The following FRMPD4 variants were observed in gnomAD, a reference collection of about 807,000 sequenced individuals.
The protein encoded by FRMPD4 is FERM and PDZ domain-containing protein 4.
A neutral mutation model predicts 94.1 loss-of-function variants in FRMPD4; 22 were observed. That is an observed-to-expected ratio of 0.23 (90% CI 0.17 to 0.33). FRMPD4 has a LOEUF of 0.33. Among genes scored for constraint, FRMPD4 ranks in the 10% least tolerant of loss-of-function variants. The pLI is 1.00. For missense variants in FRMPD4, 1,111 were observed against 1,339.9 expected (o/e 0.83, Z 2.67); for synonymous variants, 631 against 548.6 (o/e 1.15, Z -2.10).
At chrX:12,689,107 C>T (rs1383629756) in intron 7 of FRMPD4, among the ~76,000 whole-genome samples, 2 of 111,428 alleles carry the variant, frequency 1.8e-5, no homozygotes, top group Admixed American at 1.9e-4. Flanking sequence ...AAATGTTGCA[C>T]TGGGGCAAAA....
intron 1 of FRMPD4, among the ~76,000 whole-genome samples, chrX:12,241,705 G>A (rs148459066): frequency 0.012 from 1,320 of 111,508 alleles, 25 homozygotes; most frequent in African/African-American, 0.04. Flanking sequence ...TTTGAGACCA[G>A]CCTGGGCAAC....
At chrX:12,064,834 A>G (rs753786473) in intron 3 of FRMPD4, among the ~76,000 whole-genome samples, 1 of 112,349 alleles carries the variant, frequency 8.9e-6, no homozygotes, top group East Asian at 2.8e-4. Flanking sequence ...TGTTCATTTC[A>G]GTGGATTAAT....
Position 12,151,979 on chromosome X carries a change from G to T in FRMPD4, c.41+12967G>T, listed in dbSNP as rs190946302. ...AGGTAATCTGAGATGCCATTAAAAT[G>T]ATATTCAAATTTTATGCTAAAATTG... is the stretch of plus-strand genomic sequence containing the variant. On this transcript the variant is annotated intron_variant, in intron 1 of 16. Transcript: ENST00000675598. Among the ~76,000 whole-genome samples, 16 of 111,513 alleles carry T rather than the reference G, an allele frequency of 1.4e-4. No individual in the cohort carries two copies. In the East Asian group the frequency reaches 4.2e-3, roughly 29 times the overall value.
intron 1 of FRMPD4, among the ~76,000 whole-genome samples, chrX:11,857,702 A>G (rs1004946031): frequency 2.7e-5 from 3 of 112,935 alleles, no homozygotes; most frequent in Non-Finnish European, 5.6e-5. Context: ...CAAAAGCAAA[A>G]ATTGACCAAT....
At chrX:12,402,159 C>G (rs1193162656) in intron 1 of FRMPD4, among the ~76,000 whole-genome samples, 1 of 111,426 alleles carries the variant, frequency 9.0e-6, no homozygotes. Context: ...GTACAGCTAG[C>G]AGCTTTGGCA....
At chrX:12,604,650 A>G (rs1211857127) in intron 2 of FRMPD4, among the ~76,000 whole-genome samples, 6 of 112,509 alleles carry the variant, frequency 5.3e-5, no homozygotes, top group African/African-American at 1.9e-4. Context: ...AGAAAATAAC[A>G]ATCAATACTT....
In FRMPD4 at chrX:12,718,486, A is replaced by G; in HGVS notation, c.3660A>G (p.Ala1220=). ...GCTCCCAAGGCTCTTCAGTGGATGC[A>G]GGCTGTGGCACAGGCAGCAGTGGCA... is the stretch of plus-strand genomic sequence containing the variant. ...LQSSQGSSVD[A]GCGTGSSGSA... is the part of the protein sequence containing the mutation. Residue 1220 remains alanine (A), a synonymous_variant, in exon 16 of 17, where the codon GCA becomes GCG. Transcript: ENST00000675598. 1 of 1,205,968 alleles carries G rather than the reference A, an allele frequency of 8.3e-7. No homozygotes were observed. Among genetic ancestry groups the G allele is most frequent in the Non-Finnish European group, 1.1e-6 (1 of 890,165 alleles).
intron 1 of FRMPD4, among the ~76,000 whole-genome samples, chrX:12,233,201 G>A (rs1309017973): frequency 9.0e-6 from 1 of 111,303 alleles, no homozygotes. Flanking sequence ...TCAAATATGA[G>A]GTACCTTACC....
intron 2 of FRMPD4, among the ~76,000 whole-genome samples, chrX:12,560,498 A>C (rs1255523106): frequency 9.3e-5 from 9 of 96,307 alleles, no homozygotes; most frequent in South Asian, 4.5e-4. Flanking sequence ...AAAAAAAAAA[A>C]CCCAGCAACC....
At chrX:12,317,585 C>CAAAAAAAAAAAAAAAAAACAAAAAA (rs2055140855) in intron 1 of FRMPD4, among the ~76,000 whole-genome samples, 1 of 42,449 alleles carries the variant, frequency 2.4e-5, no homozygotes, top group Admixed American at 3.2e-4. Context: ...AACTAAATAG[C>CAAAAAAAAAAAAAAAAAACAAAAAA]AAAAAAAAAA....
intron 3 of FRMPD4, among the ~76,000 whole-genome samples, chrX:12,084,417 A>G (rs2055090439): frequency 1.8e-5 from 2 of 110,930 alleles, no homozygotes; most frequent in Non-Finnish European, 3.8e-5. Flanking sequence ...AGTTTTGGGT[A>G]TGTCTTTGTC....
chrX:11,856,515 T>TA (rs200631254), intron 1 of FRMPD4, among the ~76,000 whole-genome samples: 5,339 of 111,405 alleles, frequency 0.048, 308 homozygotes, highest in African/African-American at 0.17. Flanking sequence ...CCATTAATGT[T>TA]AAAAAAACTC....
chrX:12,670,257 C>T (rs184405853), intron 4 of FRMPD4, among the ~76,000 whole-genome samples: 49 of 112,219 alleles, frequency 4.4e-4, no homozygotes, highest in African/African-American at 1.5e-3. Context: ...AGATTCTAAG[C>T]CTCCCTGTCT....
intron 1 of FRMPD4, among the ~76,000 whole-genome samples, chrX:12,281,774 A>G (rs1225697242): frequency 1.8e-5 from 2 of 112,086 alleles, no homozygotes; most frequent in Admixed American, 1.9e-4. Flanking sequence ...TGTGCTCTGT[A>G]GACATCTTAT....
At chrX:12,161,181 C>T (rs918874902) in intron 1 of FRMPD4, among the ~76,000 whole-genome samples, 2 of 105,921 alleles carry the variant, frequency 1.9e-5, no homozygotes, top group Non-Finnish European at 3.9e-5. Flanking sequence ...TTTTTTGAGA[C>T]AGTGTCTTGC....
intron 3 of FRMPD4, among the ~76,000 whole-genome samples, chrX:12,109,275 A>G (rs955432037): frequency 1.1e-3 from 120 of 112,199 alleles, no homozygotes; most frequent in African/African-American, 3.8e-3. Context: ...AAACTCACTC[A>G]AAACTGCTCA....
intron 1 of FRMPD4, among the ~76,000 whole-genome samples, chrX:11,825,232 GTGTGT>G (rs2147269144): frequency 1.9e-5 from 2 of 104,473 alleles, no homozygotes; most frequent in African/African-American, 7.1e-5. Flanking sequence ...GTGTGTGTGT[GTGTGT>G]GGTCTCTTCA....
chrX:11,963,155 C>G (rs1259844490), intron 3 of FRMPD4, among the ~76,000 whole-genome samples: 1 of 112,161 alleles, frequency 8.9e-6, no homozygotes, highest in Non-Finnish European at 1.9e-5. Flanking sequence ...AATCAGAGAT[C>G]TTAATAACTT....
chrX:12,716,147 A>C lies in FRMPD4; in HGVS notation c.1688A>C (p.Glu563Ala). The C allele has an allele frequency of 8.3e-7, 1 of 1,207,274 alleles. No homozygotes were observed. Among genetic ancestry groups the C allele is most frequent in the South Asian group, 1.8e-5 (1 of 56,766 alleles). ...CIPQMTTFIGEGEQEAQITYI... is the reference protein window; with the variant it reads ...CIPQMTTFIGAGEQEAQITYI... Reference sequence around the variant, plus strand: ...CCCCAAATGACCACCTTTATTGGCGAAGGGGAACAAGAAGCCCAGATAACA... The same window carrying C: ...CCCCAAATGACCACCTTTATTGGCGCAGGGGAACAAGAAGCCCAGATAACA... The change falls in exon 15 of 17, where the codon GAA (glutamate) becomes GCA (alanine). Residue 563 changes from glutamate (E) to alanine (A), a missense_variant. Transcript: ENST00000675598.
Sources: allele counts gnomAD v4.1 joint callset (sites outside exome capture counted in the v4.1 genomes callset), GRCh38; gene constraint gnomAD v4.1.1; transcripts MANE v1.5; gene names NCBI Gene and HGNC (gene_info 2026-07-23, HGNC 2026-07-21).